Variants in SCML2 observed in about 807,000 individuals in gnomAD.
The protein encoded by SCML2 is sex comb on midleg-like protein 2.
In SCML2, 6 loss-of-function variants were observed where a neutral mutation model predicts 48.4. That is an observed-to-expected ratio of 0.12 (90% CI 0.07 to 0.24). The LOEUF is 0.24. Among genes scored for constraint, SCML2 ranks in the 10% least tolerant of loss-of-function variants. The pLI, the probability that SCML2 is intolerant of heterozygous loss-of-function variation, is 1.00. For missense variants in SCML2, 377 were observed against 528.2 expected (o/e 0.71, Z 2.81); for synonymous variants, 181 against 189.5 (o/e 0.95, Z 0.37).
intron 5 of SCML2, 91 bp from the exon 6 acceptor site, chrX:18,320,511 C>A: frequency 2.0e-6 from 1 of 507,826 alleles, no homozygotes. Flanking sequence ...ATTCACCATT[C>A]TTCTCGAGAG....
At chrX:18,270,317 G>A (rs765174797) in intron 7 of SCML2, among the ~76,000 whole-genome samples, 21 of 111,298 alleles carry the variant, frequency 1.9e-4, no homozygotes, top group Admixed American at 3.8e-4. Flanking sequence ...ATAAGCCACC[G>A]CGCCCGGCCA....
chrX:18,254,373 AAG>A (rs1926767249), intron 11 of SCML2, among the ~76,000 whole-genome samples: 1 of 112,135 alleles, frequency 8.9e-6, no homozygotes, highest in Admixed American at 9.5e-5. Context: ...AGAAAAACAT[AAG>A]AGTTCCAACT....
At chrX:18,246,529 C>A in intron 13 of SCML2, 48 bp downstream of exon 13, 1 of 1,146,396 alleles carries the variant, frequency 8.7e-7, no homozygotes, top group Non-Finnish European at 1.2e-6. Context: ...GTATGAAAAT[C>A]TCAAGGCAAA....
chrX:18,354,046 C>T (rs1357415844), intron 1 of SCML2, among the ~76,000 whole-genome samples: 1 of 112,485 alleles, frequency 8.9e-6, no homozygotes, highest in Non-Finnish European at 1.9e-5. Flanking sequence ...GAGCCACCGG[C>T]GCCCCCAGCC....
At chrX:18,304,789 C>T (rs1928704907) in intron 7 of SCML2, among the ~76,000 whole-genome samples, 183 bp downstream of exon 7, 1 of 111,485 alleles carries the variant, frequency 9.0e-6, no homozygotes, top group Non-Finnish European at 1.9e-5. Flanking sequence ...GCAGTGACCT[C>T]AAGAATTCTA....
In SCML2 at chrX:18,241,259, A is replaced by G. The variant is rs1288536878; in HGVS notation, c.2095T>C (p.Tyr699His). 7.6e-6 allele frequency: 9 copies of G among 1,191,462 alleles called. No homozygotes were observed. In the African/African-American group the frequency reaches 1.6e-4, roughly 21 times the overall value. The change falls in exon 15 of 15, where the codon TAC becomes CAC. Residue 699 changes from tyrosine to histidine, a missense_variant. Tyr to His is a moderately conservative substitution (Grantham distance 83, BLOSUM62 2). This residue lies in a region of SCML2 where 299 missense variants were observed against 425.5 expected (regional missense o/e 0.70). Coordinates refer to ENST00000251900, the MANE Select transcript of SCML2 (RefSeq NM_006089.3). ...YYIEKLKEGK[Y>H]S ...TAAACTTACACATTTTTTTAACTGT[A>G]TTTTCCTTCTTTAAGCTTTTCAATG...
At chrX:18,252,131 G>C (rs963496937) in intron 11 of SCML2, among the ~76,000 whole-genome samples, 1 of 111,804 alleles carries the variant, frequency 8.9e-6, no homozygotes, top group Non-Finnish European at 1.9e-5. Context: ...AAAATTAGCT[G>C]TGTATGGTGG....
intron 1 of SCML2, among the ~76,000 whole-genome samples, chrX:18,339,999 T>C (rs1055745130): frequency 8.9e-6 from 1 of 112,202 alleles, no homozygotes; most frequent in Non-Finnish European, 1.9e-5. Flanking sequence ...GAACCACTTT[T>C]AAATATATAC....
chrX:18,246,936 T>C (rs769563570), intron 12 of SCML2, 108 bp from the exon 13 acceptor site: 45 of 790,652 alleles, frequency 5.7e-5, no homozygotes, highest in Non-Finnish European at 7.6e-5. Context: ...ACTTGTGCTA[T>C]ACTGAACCAC....
At chrX:18,259,228 A>C (rs1269449733) in intron 9 of SCML2, among the ~76,000 whole-genome samples, 3 of 107,811 alleles carry the variant, frequency 2.8e-5, no homozygotes, top group Non-Finnish European at 5.8e-5. Context: ...ACGCCACTGC[A>C]CTCCAGCCTG....
At chrX:18,346,068 C>T (rs1930190949) in intron 1 of SCML2, among the ~76,000 whole-genome samples, 1 of 110,869 alleles carries the variant, frequency 9.0e-6, no homozygotes, top group African/African-American at 3.3e-5. Flanking sequence ...GGCGCTCGGC[C>T]GAGATTTTTC....
intron 13 of SCML2, 102 bp from the exon 14 acceptor site, chrX:18,242,692 T>G: frequency 7.9e-6 from 7 of 883,392 alleles, no homozygotes; most frequent in Non-Finnish European, 9.3e-6. Context: ...TGGAACCTTT[T>G]GTTAAGTTCC....
chrX:18,276,148 C>T (rs768473821), intron 7 of SCML2, among the ~76,000 whole-genome samples: 2 of 111,214 alleles, frequency 1.8e-5, no homozygotes, highest in East Asian at 5.7e-4. Flanking sequence ...CACAAAAATC[C>T]GCCAGGCGTG....
At chrX:18,329,633 G>C (rs146500032) in intron 3 of SCML2, among the ~76,000 whole-genome samples, 1 of 112,579 alleles carries the variant, frequency 8.9e-6, no homozygotes, top group East Asian at 2.8e-4. Flanking sequence ...TACATGTACT[G>C]TTCATAATAA....
intron 7 of SCML2, among the ~76,000 whole-genome samples, chrX:18,280,651 G>C (rs1183709434): frequency 9.0e-5 from 10 of 111,385 alleles, no homozygotes; most frequent in African/African-American, 3.3e-4. Context: ...TAGGCTCAAA[G>C]TAAAAGAATG....
chrX:18,328,705 T>C (rs1929562127), intron 3 of SCML2, among the ~76,000 whole-genome samples: 1 of 111,548 alleles, frequency 9.0e-6, no homozygotes. Flanking sequence ...GCAGGAATCA[T>C]GTCTATATTG....
intron 1 of SCML2, chrX:18,341,118 C>A (rs1929999851): frequency 1.1e-5 from 2 of 185,844 alleles, no homozygotes; most frequent in Non-Finnish European, 2.1e-5. Flanking sequence ...AGCAGGAGTG[C>A]CATGGTGAGA....
intron 7 of SCML2, among the ~76,000 whole-genome samples, chrX:18,297,784 C>G (rs1343302741): frequency 9.0e-6 from 1 of 110,719 alleles, no homozygotes; most frequent in Non-Finnish European, 1.9e-5. Context: ...GTCCAGGAGC[C>G]TGGGCAACAC....
At chrX:18,324,232 T>C in intron 4 of SCML2, 139 bp from the exon 5 acceptor site, 1 of 449,312 alleles carries the variant, frequency 2.2e-6, no homozygotes, top group Non-Finnish European at 3.8e-6. Context: ...GCTGTAAGAG[T>C]CAAGGAAAAG....
Sources: allele counts gnomAD v4.1 joint callset (sites outside exome capture counted in the v4.1 genomes callset), GRCh38; gene constraint gnomAD v4.1.1; regional missense constraint gnomAD v4.1.1; transcripts MANE v1.5; gene names NCBI Gene and HGNC (gene_info 2026-07-23, HGNC 2026-07-21).